Variants in GNE observed in about 807,000 individuals in gnomAD.
The protein encoded by GNE is bifunctional UDP-N-acetylglucosamine 2-epimerase/N-acetylmannosamine kinase.
GNE carries 41 observed loss-of-function variants against 61.8 expected under a neutral mutation model. That is an observed-to-expected ratio of 0.66 (90% CI 0.52 to 0.86). GNE has a LOEUF of 0.86. GNE is among the 40% of genes least tolerant of loss of function. The pLI is 0.00. For missense variants in GNE, 608 were observed against 909.1 expected, an observed-to-expected ratio of 0.67 and a Z score of 4.26; for synonymous variants, 264 against 326.4, an observed-to-expected ratio of 0.81 and a Z score of 2.06.
At chr9:36,261,552 C>CAA (rs566779282), upstream of GNE, among the ~76,000 whole-genome samples, 117 of 88,298 alleles carry the variant, frequency 1.3e-3, no homozygotes, top group African/African-American at 2.4e-3. Flanking sequence ...GACTCCGTCT[C>CAA]AAAAAAAAAA....
chr9:36,256,137 G>A (rs1020196319), intron 1 of GNE, among the ~76,000 whole-genome samples: 1 of 152,008 alleles, frequency 6.6e-6, no homozygotes, highest in African/African-American at 2.4e-5. Context: ...ATGTTGGCCA[G>A]GCTGGTCTCG....
At chr9:36,256,580 TCTCAA>T (rs1235579562) in intron 1 of GNE, among the ~76,000 whole-genome samples, 1 of 152,120 alleles carries the variant, frequency 6.6e-6, no homozygotes, top group Non-Finnish European at 1.5e-5. Flanking sequence ...TTCTGCATTC[TCTCAA>T]CTCAAGACCG....
At chr9:36,264,676 A>G (rs1362876697) in intron 1 of GNE, among the ~76,000 whole-genome samples, 1 of 151,916 alleles carries the variant, frequency 6.6e-6, no homozygotes, top group Non-Finnish European at 1.5e-5. Flanking sequence ...CCCTAGGCCT[A>G]GTTAGGAAGG....
At chr9:36,252,582 A>G (rs1830150042) in intron 1 of GNE, among the ~76,000 whole-genome samples, 1 of 152,216 alleles carries the variant, frequency 6.6e-6, no homozygotes, top group Non-Finnish European at 1.5e-5. Context: ...AAATACAACA[A>G]TGTTACCTAG....
intron 7 of GNE, among the ~76,000 whole-genome samples, chr9:36,224,485 A>G (rs2133031482): frequency 6.6e-6 from 1 of 152,098 alleles, no homozygotes; most frequent in African/African-American, 2.4e-5. Flanking sequence ...AGCTTTAATC[A>G]TCTCCTGTAA....
intron 4 of GNE, 121 bp downstream of exon 4, chr9:36,236,711 T>C: frequency 2.2e-6 from 2 of 895,904 alleles, no homozygotes; most frequent in Non-Finnish European, 3.7e-6. Context: ...TTGGAATGCA[T>C]TTCAGAATAG....
chr9:36,242,732 GTTTTTTTT>G (rs34441447), intron 3 of GNE, among the ~76,000 whole-genome samples: 3 of 95,992 alleles, frequency 3.1e-5, no homozygotes, highest in Non-Finnish European at 5.9e-5. Flanking sequence ...TTTTATGCTT[GTTTTTTTT>G]TTTTTTTTTT....
intron 1 of GNE, among the ~76,000 whole-genome samples, chr9:36,251,339 C>T (rs1193793751): frequency 2.0e-5 from 3 of 152,134 alleles, no homozygotes; most frequent in Admixed American, 6.6e-5. Flanking sequence ...TCCCTCCCTG[C>T]CATGCTATAC....
chr9:36,227,339 G>A lies in GNE; in HGVS notation c.1190C>T (p.Ser397Phe), dbSNP rs1828918028. 1.2e-5 allele frequency: 19 copies of A among 1,607,242 alleles called. No homozygotes were observed. Among genetic ancestry groups the A allele is most frequent in the Admixed American group, 1.7e-5 (1 of 60,004 alleles). ...FCFPPVKENI[S>F]QDIDHILETL... ...TTCAAGAATATGGTCAATATCTTGA[G>A]AGATATTCTCCTTCACAGGAGGAAA... The change falls in exon 7 of 12, where the codon TCT (serine) becomes TTT (phenylalanine). Residue 397 changes from serine (S) to phenylalanine (F), a missense_variant. Transcript: ENST00000642385.
chr9:36,272,278 G>A (rs532079489), intron 1 of GNE, among the ~76,000 whole-genome samples: 3 of 152,242 alleles, frequency 2.0e-5, no homozygotes, highest in East Asian at 3.9e-4. Flanking sequence ...CACTATAATC[G>A]GGAGAGTTTT....
At chr9:36,222,479 G>GGATAACA (rs1828641225) in intron 9 of GNE, among the ~76,000 whole-genome samples, 1 of 151,288 alleles carries the variant, frequency 6.6e-6, no homozygotes, top group Non-Finnish European at 1.5e-5. Context: ...CTAGGGCAAA[G>GGATAACA]GATAACAGCT....
chr9:36,266,359 CA>C (rs1331812166), intron 1 of GNE, among the ~76,000 whole-genome samples: 1 of 152,232 alleles, frequency 6.6e-6, no homozygotes, highest in Admixed American at 6.5e-5. Flanking sequence ...CTGCATACGC[CA>C]GATTGTTTAT....
At chr9:36,270,667 G>A (rs1048201982) in intron 1 of GNE, among the ~76,000 whole-genome samples, 3 of 152,042 alleles carry the variant, frequency 2.0e-5, no homozygotes, top group Admixed American at 6.6e-5. Flanking sequence ...GCAGGCGCCC[G>A]CCACCGCGCC....
At chr9:36,243,111 C>G (rs1234806291) in intron 3 of GNE, among the ~76,000 whole-genome samples, 1 of 152,028 alleles carries the variant, frequency 6.6e-6, no homozygotes, top group Non-Finnish European at 1.5e-5. Flanking sequence ...GTGGCACAAT[C>G]ATGGCTCACT....
At chr9:36,247,422 A>G (rs561912808) in intron 2 of GNE, among the ~76,000 whole-genome samples, 2 of 152,144 alleles carry the variant, frequency 1.3e-5, no homozygotes, top group East Asian at 1.9e-4. Context: ...CAGTCATCCA[A>G]TTCTTCTCCC....
In GNE at chr9:36,214,917, T is replaced by C. The variant is rs757287887; in HGVS notation, c.*2448A>G. 14 of 152,342 alleles carry C rather than the reference T, an allele frequency of 9.2e-5. No homozygotes were observed. Among genetic ancestry groups the C allele is most frequent in the Middle Eastern group, 3.4e-3 (1 of 294 alleles). The allele number at this position is 152,342 out of a possible 1,614,324, so 9.4% of individuals were successfully genotyped here. ...TAGTTCAAATGTAATGTTGAGTCCT[T>C]CAGTTTATTTGAACACTGAAACAAT... On this transcript the variant is annotated 3_prime_UTR_variant, in exon 12 of 12. Transcript: ENST00000642385.
At position 36,216,653 on chromosome 9, in the gene GNE, A is replaced by C. The variant is rs1828312874; in HGVS notation, c.*712T>G. On this transcript the variant is annotated 3_prime_UTR_variant, in exon 12 of 12. Coordinates refer to ENST00000642385, the MANE Select transcript of GNE (RefSeq NM_005476.7). ...CCCAGCTGGAAGGATTATTATTATT[A>C]TTATTATTATTATTATTATTTATTA... The C allele has an allele frequency of 9.0e-6, 1 of 111,614 alleles. No homozygotes were observed. The highest frequency in any genetic ancestry group is 3.1e-5 in the African/African-American group (1 of 32,368). The allele number at this position is 111,614 out of a possible 1,614,324, so 6.9% of individuals were successfully genotyped here.
rs752650334 is a variant in GNE, at chr9:36,246,042, C to A, written c.605G>T (p.Arg202Leu). Residue 202 changes from arginine (R) to leucine (L), a missense_variant, in exon 3 of 12, where the codon CGC becomes CTC. Transcript: ENST00000642385. ...TCTGAGATACGTACCTAGCCACATG[C>A]GAATGATGCTCATGTAGTCTTTGTT... ...AKNKDYMSIIRMWLGDDVKSK... is the reference protein window; with the variant it reads ...AKNKDYMSIILMWLGDDVKSK... The A allele has an allele frequency of 6.2e-7, 1 of 1,613,156 alleles. No homozygotes were observed. The highest frequency in any genetic ancestry group is 8.5e-7 in the Non-Finnish European group (1 of 1,179,232).
At chr9:36,223,242 G>T (rs780785016) in intron 8 of GNE, 131 bp downstream of exon 8, 1 of 908,244 alleles carries the variant, frequency 1.1e-6, no homozygotes, top group Non-Finnish European at 1.8e-6. Context: ...CATGCTTGGG[G>T]CCCACAGACA....
Sources: gnomAD v4.1 joint callset for allele counts (sites outside exome capture counted in the v4.1 genomes callset) on GRCh38, gnomAD v4.1.1 for gene constraint, MANE v1.5 for transcripts, NCBI Gene and HGNC (gene_info 2026-07-23, HGNC 2026-07-21) for gene names.